ATP8A2: variants seen among roughly 807,000 people sequenced by gnomAD.
The protein encoded by ATP8A2 is ATPase phospholipid transporting 8A2.
ATP8A2 carries 100 observed loss-of-function variants against 165.6 expected under a neutral mutation model. The ratio of observed to expected loss-of-function variants is 0.60; its 90% CI spans 0.51 to 0.71. ATP8A2 has a LOEUF of 0.71. Among genes scored for constraint, ATP8A2 ranks in the 30% least tolerant of loss-of-function variants. ATP8A2 has a pLI of 0.00. For missense variants in ATP8A2, 1,227 were observed against 1,479.5 expected (o/e 0.83, Z 2.80); for synonymous variants, 543 against 548.8 (o/e 0.99, Z 0.15).
At chr13:25,512,175 CAT>C (rs1240959869) in intron 2 of ATP8A2, among the ~76,000 whole-genome samples, 38 of 151,244 alleles carry the variant, frequency 2.5e-4, no homozygotes, top group African/African-American at 8.0e-4. Context: ...GGACACAGCA[CAT>C]GTTTCAGAGA....
intron 33 of ATP8A2, among the ~76,000 whole-genome samples, chr13:25,919,987 T>C (rs1184770041): frequency 6.6e-6 from 1 of 152,036 alleles, no homozygotes; most frequent in Non-Finnish European, 1.5e-5. Flanking sequence ...GGGGTCTCGC[T>C]ATGTCGTCCA....
chr13:25,889,950 T>C (rs986975496), intron 33 of ATP8A2, among the ~76,000 whole-genome samples: 1 of 152,002 alleles, frequency 6.6e-6, no homozygotes, highest in South Asian at 2.1e-4. Flanking sequence ...ATCACGAGGT[T>C]AGGAGATCGA....
intron 25 of ATP8A2, among the ~76,000 whole-genome samples, chr13:25,723,021 C>T (rs563308903): frequency 6.6e-6 from 1 of 152,338 alleles, no homozygotes; most frequent in South Asian, 2.1e-4. Flanking sequence ...TGTATTCATT[C>T]TCACTGCTAC....
At chr13:25,559,604 A>G in intron 14 of ATP8A2, 117 bp from the exon 15 acceptor site, 1 of 772,128 alleles carries the variant, frequency 1.3e-6, no homozygotes, top group Middle Eastern at 3.1e-4. Flanking sequence ...CTTGGTAAGA[A>G]GTCCCTGAGA....
chr13:25,643,296 C>T (rs528227379), intron 24 of ATP8A2, among the ~76,000 whole-genome samples: 1 of 152,250 alleles, frequency 6.6e-6, no homozygotes, highest in East Asian at 1.9e-4. Flanking sequence ...AGTTCCTCTT[C>T]ACTGCTGTGT....
At chr13:25,373,495 G>A (rs141995877) in intron 1 of ATP8A2, among the ~76,000 whole-genome samples, 129 of 152,244 alleles carry the variant, frequency 8.5e-4, no homozygotes, top group African/African-American at 2.8e-3. Context: ...GTGGGAGGGC[G>A]CAGTCATACA....
chr13:25,561,243 A>G (rs1413274139), intron 15 of ATP8A2, among the ~76,000 whole-genome samples: 1 of 151,896 alleles, frequency 6.6e-6, no homozygotes, highest in African/African-American at 2.4e-5. Flanking sequence ...GTGTCTTTGT[A>G]TTATTTCTGT....
chr13:25,638,970 G>T (rs55869033), intron 24 of ATP8A2, among the ~76,000 whole-genome samples: 58,491 of 151,898 alleles, frequency 0.39, 11,940 homozygotes, highest in Middle Eastern at 0.49. Flanking sequence ...TTAAAGAAAA[G>T]AATTTTCAAC....
intron 24 of ATP8A2, among the ~76,000 whole-genome samples, chr13:25,676,219 C>T (rs2042369133): frequency 1.3e-5 from 2 of 152,188 alleles, no homozygotes; most frequent in South Asian, 2.1e-4. Flanking sequence ...TCTGACTTGA[C>T]ATCATAAGCA....
At position 25,756,327 on chromosome 13, in the gene ATP8A2, CT is replaced by C. The variant is rs11379467; in HGVS notation, c.2385-12702del. 2.6e-3 allele frequency among the ~76,000 whole-genome samples: 354 copies of C among 137,104 alleles called. 2 individuals carry two copies. The highest frequency in any genetic ancestry group is 6.2e-3 in the African/African-American group (228 of 36,994). The allele number at this position is 137,104 out of a possible 152,430, so 89.9% of individuals were successfully genotyped here. A position where few individuals can be genotyped will look rare whatever the true frequency, so the allele number is the denominator to read the frequency against. On this transcript the variant is annotated intron_variant, in intron 25 of 36. Transcript: ENST00000381655. ...TGGAGGATTAGGTAACTGTTGGATT[CT>C]TTTTTTTTTTTTTTTTGAGACAGGG...
chr13:25,534,625 C>A (rs1319147331), intron 6 of ATP8A2, among the ~76,000 whole-genome samples: 3 of 152,208 alleles, frequency 2.0e-5, no homozygotes, highest in South Asian at 4.1e-4. Context: ...GGGAGAAAAA[C>A]AACAATAACA....
At chr13:25,882,202 G>C (rs534071715) in intron 33 of ATP8A2, among the ~76,000 whole-genome samples, 1 of 152,242 alleles carries the variant, frequency 6.6e-6, no homozygotes, top group Admixed American at 6.5e-5. Context: ...AGATAATGAC[G>C]GAAAAGATGG....
intron 6 of ATP8A2, among the ~76,000 whole-genome samples, 182 bp from the exon 7 acceptor site, chr13:25,537,806 T>C (rs2038336042): frequency 6.6e-6 from 1 of 152,262 alleles, no homozygotes; most frequent in South Asian, 2.1e-4. Flanking sequence ...ACATTACCAG[T>C]GTCTGCATGG....
intron 1 of ATP8A2, among the ~76,000 whole-genome samples, chr13:25,446,696 A>G (rs546869052): frequency 6.6e-6 from 1 of 152,370 alleles, no homozygotes; most frequent in South Asian, 2.1e-4. Context: ...GAAGAACATT[A>G]CAAATCCAAA....
intron 15 of ATP8A2, 84 bp from the exon 16 acceptor site, chr13:25,563,872 T>C (rs1336533944): frequency 4.4e-6 from 4 of 916,732 alleles, no homozygotes; most frequent in Admixed American, 3.8e-5. Flanking sequence ...GTATGGTTCT[T>C]CTTGAAGGCA....
chr13:25,956,198 GA>G (rs1955515798), intron 33 of ATP8A2, among the ~76,000 whole-genome samples: 1 of 152,182 alleles, frequency 6.6e-6, no homozygotes, highest in Non-Finnish European at 1.5e-5. Flanking sequence ...CATTCCCTTT[GA>G]AAACAGGCAC....
At chr13:25,978,898 C>T (rs1956119819) in intron 35 of ATP8A2, among the ~76,000 whole-genome samples, 1 of 152,104 alleles carries the variant, frequency 6.6e-6, no homozygotes, top group Non-Finnish European at 1.5e-5. Flanking sequence ...CGAGATCGCG[C>T]CACTGCACTC....
chr13:25,892,121 G>A (rs561729670), intron 33 of ATP8A2, among the ~76,000 whole-genome samples: 26 of 151,780 alleles, frequency 1.7e-4, no homozygotes, highest in Admixed American at 1.4e-3. Flanking sequence ...GACTACAGGC[G>A]CCCGCCACCA....
At chr13:25,945,487 A>G (rs594333) in intron 33 of ATP8A2, among the ~76,000 whole-genome samples, 34,334 of 152,170 alleles carry the variant, frequency 0.23, 5,566 homozygotes, top group African/African-American at 0.47. Context: ...TGGAATGGAC[A>G]TTCTTCACAA....
Sources: allele counts gnomAD v4.1 joint callset (sites outside exome capture counted in the v4.1 genomes callset), GRCh38; gene constraint gnomAD v4.1.1; transcripts MANE v1.5; gene names NCBI Gene and HGNC (gene_info 2026-07-23, HGNC 2026-07-21).